The following PSG6 variants were observed in gnomAD, a reference collection of about 807,000 sequenced individuals.
The protein encoded by PSG6 is pregnancy specific beta-1-glycoprotein 6.
PSG6 carries 51 observed loss-of-function variants against 43.3 expected under a neutral mutation model. The ratio of observed to expected loss-of-function variants is 1.18; its 90% CI spans 0.94 to 1.49. The LOEUF is 1.49. Ranked by LOEUF, PSG6 falls within the 40% of genes most tolerant of loss-of-function variation. The pLI, the probability that PSG6 is intolerant of heterozygous loss-of-function variation, is 0.00. For synonymous variants in PSG6, 292 were observed against 197.6 expected (o/e 1.48, Z -4.01); for missense variants, 770 against 522.2 (o/e 1.47, Z -4.62).
intron 2 of PSG6, among the ~76,000 whole-genome samples, chr19:42,913,390 C>T (rs1218978769): frequency 6.6e-6 from 1 of 151,740 alleles, no homozygotes; most frequent in Non-Finnish European, 1.5e-5. Flanking sequence ...GACCTTGTGC[C>T]CGCCTCAGCC....
rs144097952 is a variant in PSG6 at position 42,913,575 on chromosome 19, C to G, written c.427+2550G>C. Among the ~76,000 whole-genome samples the G allele has an allele frequency of 4.0e-5, 6 of 151,710 alleles. No homozygotes were observed. The South Asian group carries it at 1.3e-3, about 32-fold the overall frequency. The stretch of plus-strand genomic sequence containing the variant: ...AAGCCAGAAGTCTCTAGAAAGTGAC[C>G]GGAGAATGTGAGCTCCATAGCAGGT... On this transcript the variant is annotated intron_variant, in intron 2 of 5. Coordinates refer to ENST00000187910, the MANE Select transcript of PSG6 (RefSeq NM_001031850.4).
intron 5 of PSG6, chr19:42,903,653 G>A (rs1972068419): frequency 6.6e-7 from 1 of 1,525,224 alleles, no homozygotes; most frequent in East Asian, 2.5e-5. Context: ...ACTTTGGGAG[G>A]TCACAGCAGA....
At chr19:42,908,855 C>A (rs985156982) in intron 3 of PSG6, among the ~76,000 whole-genome samples, 1 of 151,626 alleles carries the variant, frequency 6.6e-6, no homozygotes, top group African/African-American at 2.4e-5. Flanking sequence ...TAAGTTGATT[C>A]CAGATTGAAT....
chr19:42,907,210 C>T lies in PSG6; in HGVS notation c.986-34G>A, dbSNP rs750116622. On this transcript the variant is annotated intron_variant, in intron 4 of 5. Coordinates refer to ENST00000187910, the MANE Select transcript of PSG6 (RefSeq NM_001031850.4). ...AAGAGAATAAAGCCACAGGTGATGT[C>T]ATCCAAGGGAAGGGGATGCTCCTGG... 81 of 1,599,788 alleles carry T rather than the reference C, an allele frequency of 5.1e-5. 1 individual carries two copies. Among genetic ancestry groups the T allele is most frequent in the South Asian group, 6.8e-5 (6 of 88,546 alleles).
rs185561006 is a variant in PSG6, at chr19:42,906,956, C to G, written c.1206G>C (p.Lys402Asn). The part of the protein sequence containing the change: ...ACSVRNSATG[K>N]EISKSMIVKV... ...TGACTATCATGGATTTGGAGATTTC[C>G]TTGCCAGTGGCTGAGTTACGAACAG... is the stretch of plus-strand genomic sequence containing the variant. The change falls in exon 5 of 6, where the codon AAG (lysine) becomes AAC (asparagine). Residue 402 changes from lysine (K) to asparagine (N), a missense_variant. Physicochemically the swap from Lys to Asn is moderately conservative, Grantham distance 94 (BLOSUM62 0). Transcript: ENST00000187910. 1.9e-6 allele frequency: 3 copies of G among 1,612,396 alleles called. No individual in the cohort carries two copies. The highest frequency in any genetic ancestry group is 2.7e-5 in the African/African-American group (2 of 74,834).
In PSG6 at chr19:42,903,661, A is replaced by G. The variant is rs757320669; in HGVS notation, c.1241-1215T>C. The G allele has an allele frequency of 3.3e-6, 5 of 1,531,204 alleles. No homozygotes were observed. The South Asian group carries it at 5.0e-5, about 15-fold the overall frequency. The allele number at this position is 1,531,204 out of a possible 1,614,324, so 94.9% of individuals were successfully genotyped here. ...TCCTAGCACTTTGGGAGGTCACAGC[A>G]GAAGGATTTCTTGAAACCAGGTGTT... is the stretch of plus-strand genomic sequence containing the variant. On this transcript the variant is annotated intron_variant, in intron 5 of 5. Coordinates refer to ENST00000187910, the MANE Select transcript of PSG6 (RefSeq NM_001031850.4).
At position 42,910,337 on chromosome 19, in the gene PSG6, C is replaced by A. The variant is rs576447741; in HGVS notation, c.706+243G>T. On this transcript the variant is annotated intron_variant, in intron 3 of 5. Coordinates refer to ENST00000187910, the MANE Select transcript of PSG6 (RefSeq NM_001031850.4). ...ACTGATCTGGAGCCTGAGACATTCA[C>A]CTGTTTCTTCCATCACAAGCTGTGG... The A allele has an allele frequency of 6.8e-6, 7 of 1,027,988 alleles. No homozygotes were observed. In the African/African-American group the frequency reaches 9.7e-5, roughly 14 times the overall value. The allele number at this position is 1,027,988 out of a possible 1,614,324, so 63.7% of individuals were successfully genotyped here. A position where few individuals can be genotyped will look rare whatever the true frequency, so the allele number is the denominator to read the frequency against.
chr19:42,908,424 C>G (rs1395662911), intron 3 of PSG6, among the ~76,000 whole-genome samples: 4 of 151,702 alleles, frequency 2.6e-5, no homozygotes, highest in African/African-American at 9.7e-5. Flanking sequence ...TCATCAGGCA[C>G]TAGAGGCACC....
At position 42,916,280 on chromosome 19, in the gene PSG6, C is replaced by T. The variant is rs769727849; in HGVS notation, c.272G>A (p.Gly91Glu). 2.0e-5 allele frequency: 32 copies of T among 1,611,880 alleles called. No individual in the cohort carries two copies. Among genetic ancestry groups the T allele is most frequent in the Non-Finnish European group, 2.7e-5 (32 of 1,179,066 alleles). ...TGTTTCTCGTCCACTGTAGGCAGGC[C>T]CATATATAATTTGACCGTGTACTAC... ...SYVVHGQIIY[G>E]PAYSGRETVY... Residue 91 changes from glycine (G) to glutamate (E), a missense_variant, in exon 2 of 6, where the codon GGG (glycine) becomes GAG (glutamate). Transcript: ENST00000187910.
rs548611186 is a variant in PSG6 at position 42,906,379 on chromosome 19, A to G, written c.1240+543T>C. On this transcript the variant is annotated intron_variant, in intron 5 of 5. Transcript: ENST00000187910. Reference sequence around the variant, plus strand: ...GGCCACCAGGGCCCTTTCTCCACACATGTTGGTTCCACCCCAGGTGGAGTC... The same window carrying G: ...GGCCACCAGGGCCCTTTCTCCACACGTGTTGGTTCCACCCCAGGTGGAGTC... 1.5e-3 allele frequency among the ~76,000 whole-genome samples: 226 copies of G among 151,348 alleles called. 5 individuals are homozygous for G. The highest frequency in any genetic ancestry group is 5.4e-3 in the African/African-American group (221 of 41,230).
chr19:42,903,300 T>C lies in PSG6; in HGVS notation c.1241-854A>G, dbSNP rs868189314. Among the ~76,000 whole-genome samples, 15 of 151,678 alleles carry C rather than the reference T, an allele frequency of 9.9e-5. No homozygotes were observed. The Middle Eastern group carries it at 0.014, about 139-fold the overall frequency. ...GAATCAGGGGTTCAGAGAAGTTGAG[T>C]CTTGTGCAAGAAATTTATAACTGTA... On this transcript the variant is annotated intron_variant, in intron 5 of 5. Coordinates refer to ENST00000187910, the MANE Select transcript of PSG6 (RefSeq NM_001031850.4).
At chr19:42,905,037 A>G (rs1159793508) in intron 5 of PSG6, among the ~76,000 whole-genome samples, 1 of 151,656 alleles carries the variant, frequency 6.6e-6, no homozygotes, top group East Asian at 1.9e-4. Context: ...TGGGGAAGGG[A>G]CAGTGTTCTC....
chr19:42,906,477 A>T (rs1180027166), intron 5 of PSG6, among the ~76,000 whole-genome samples: 1 of 151,332 alleles, frequency 6.6e-6, no homozygotes, highest in Non-Finnish European at 1.5e-5. Flanking sequence ...CTCCTCCCTC[A>T]CCCAAAGGGC....
rs548661240 is a variant in PSG6 at position 42,914,856 on chromosome 19, G to A, written c.427+1269C>T. On this transcript the variant is annotated intron_variant, in intron 2 of 5. Transcript: ENST00000187910. Reference sequence around the variant, plus strand: ...TCCTCTCCTTGATCCTCTCATGACGGTGACATGGACACTTGGGAAACACAG... The same window carrying A: ...TCCTCTCCTTGATCCTCTCATGACGATGACATGGACACTTGGGAAACACAG... Among the ~76,000 whole-genome samples the A allele has an allele frequency of 5.7e-4, 77 of 134,050 alleles. 2 individuals are homozygous for A. Among genetic ancestry groups the A allele is most frequent in the African/African-American group, 2.1e-3 (66 of 31,628 alleles). The allele number at this position is 134,050 out of a possible 152,430, so 87.9% of individuals were successfully genotyped here.
At chr19:42,914,651 C>T (rs559639549) in intron 2 of PSG6, among the ~76,000 whole-genome samples, 1 of 151,502 alleles carries the variant, frequency 6.6e-6, no homozygotes, top group Admixed American at 6.6e-5. Flanking sequence ...CTCTGAAGGA[C>T]AAGGGACAGG....
rs1196443107 is a variant in PSG6 at position 42,917,655 on chromosome 19, C to A, written c.64+74G>T. 23 of 1,583,982 alleles carry A rather than the reference C, an allele frequency of 1.5e-5. 2 individuals carry two copies. The highest frequency in any genetic ancestry group is 2.0e-5 in the Non-Finnish European group (23 of 1,158,630). On this transcript the variant is annotated intron_variant, in intron 1 of 5. Coordinates refer to ENST00000187910, the MANE Select transcript of PSG6 (RefSeq NM_001031850.4). ...TGGCTTCTTTTATTTTTTAGAACCC[C>A]ATCCTCTCCAGGATACCCCATCCAG...
intron 5 of PSG6, among the ~76,000 whole-genome samples, chr19:42,906,255 G>A (rs914688795): frequency 6.6e-6 from 1 of 151,560 alleles, no homozygotes; most frequent in Non-Finnish European, 1.5e-5. Flanking sequence ...TGCAGCTCAG[G>A]AGTCAGCCCT....
chr19:42,913,402 C>T lies in PSG6; in HGVS notation c.428-2544G>A, dbSNP rs1972265121. On this transcript the variant is annotated intron_variant, in intron 2 of 5. Coordinates refer to ENST00000187910, the MANE Select transcript of PSG6 (RefSeq NM_001031850.4). Reference sequence around the variant, plus strand: ...CCTGACCTTGTGCCCGCCTCAGCCTCCCAAAGTGCTGGGATTATAGGCGTG... The same window carrying T: ...CCTGACCTTGTGCCCGCCTCAGCCTTCCAAAGTGCTGGGATTATAGGCGTG... 1.3e-5 allele frequency among the ~76,000 whole-genome samples: 2 copies of T among 151,832 alleles called. 1 individual carries two copies. Among genetic ancestry groups the T allele is most frequent in the Admixed American group, 1.3e-4 (2 of 15,218 alleles).
Position 42,906,930 on chromosome 19 carries a change from T to G in PSG6, c.1232A>C (p.Lys411Thr), listed in dbSNP as rs201151900. The change falls in exon 5 of 6, where the codon AAA becomes ACA. Residue 411 changes from lysine to threonine, a missense_variant. Physicochemically the swap from Lys to Thr is moderately conservative, Grantham distance 78. Coordinates refer to ENST00000187910, the MANE Select transcript of PSG6 (RefSeq NM_001031850.4). ...GKEISKSMIV[K>T]VSGPCHGNQT... Reference sequence around the variant, plus strand: ...TGCTGGGATCCACTTACCAGAGACTTTGACTATCATGGATTTGGAGATTTC... The same window carrying G: ...TGCTGGGATCCACTTACCAGAGACTGTGACTATCATGGATTTGGAGATTTC... The G allele has an allele frequency of 1.9e-6, 3 of 1,612,186 alleles. No homozygotes were observed. Among genetic ancestry groups the G allele is most frequent in the South Asian group, 2.2e-5 (2 of 90,832 alleles).
Sources: gnomAD v4.1 joint callset for allele counts (sites outside exome capture counted in the v4.1 genomes callset) on GRCh38, gnomAD v4.1.1 for gene constraint, MANE v1.5 for transcripts, NCBI Gene and HGNC (gene_info 2026-07-23, HGNC 2026-07-21) for gene names.